LEF1: variants seen among roughly 807,000 people sequenced by gnomAD.
The protein encoded by LEF1 is lymphoid enhancer-binding factor 1.
Under a neutral mutation model 51.2 loss-of-function variants are expected in LEF1, and 14 were observed. That is an observed-to-expected ratio of 0.27 (90% confidence interval 0.18 to 0.43). The LOEUF is 0.43. LEF1 is among the 20% of genes least tolerant of loss of function. LEF1 has a pLI of 1.00. For missense variants in LEF1, 386 were observed against 512.0 expected, an observed-to-expected ratio of 0.75 and a Z score of 2.37; for synonymous variants, 185 against 183.2, an observed-to-expected ratio of 1.01 and a Z score of -0.08.
rs554089911 is a variant in LEF1, at chr4:108,124,531, G to A, written c.415-35274C>T. 2.2e-3 allele frequency among the ~76,000 whole-genome samples: 336 copies of A among 151,988 alleles called. 3 individuals are homozygous for A. Among genetic ancestry groups the A allele is most frequent in the Middle Eastern group, 0.01 (3 of 294 alleles). On this transcript the variant is annotated intron_variant, in intron 3 of 11. Coordinates refer to ENST00000265165, the MANE Select transcript of LEF1 (RefSeq NM_016269.5). ...ACTACAGGTGTACGCCACCACACCC[G>A]GCTAATTTTTGTATTTTTAATAGAG...
intron 1 of LEF1, chr4:108,166,177 C>T: frequency 7.5e-7 from 1 of 1,325,746 alleles, no homozygotes; most frequent in Middle Eastern, 2.7e-4. Context: ...GCACCCTACC[C>T]CCGCCCCCAG....
chr4:108,131,933 T>C (rs1232333022), intron 3 of LEF1, among the ~76,000 whole-genome samples: 1 of 152,146 alleles, frequency 6.6e-6, no homozygotes. Context: ...TGCAACAAAA[T>C]GCACTGAAGC....
chr4:108,098,930 A>T (rs1388208873), intron 3 of LEF1, among the ~76,000 whole-genome samples: 1 of 152,238 alleles, frequency 6.6e-6, no homozygotes, highest in Non-Finnish European at 1.5e-5. Flanking sequence ...ACACTGTAAG[A>T]TCAGCATTAA....
At chr4:108,141,784 A>G (rs2110373888) in intron 3 of LEF1, among the ~76,000 whole-genome samples, 1 of 152,098 alleles carries the variant, frequency 6.6e-6, no homozygotes, top group African/African-American at 2.4e-5. Context: ...TTTAGTATTG[A>G]CTCTGACATC....
chr4:108,132,475 C>T (rs2110354035), intron 3 of LEF1, among the ~76,000 whole-genome samples: 1 of 152,026 alleles, frequency 6.6e-6, no homozygotes, highest in East Asian at 1.9e-4. Flanking sequence ...TCAAAGTATA[C>T]TTTGAGACCT....
chr4:108,078,333 T>C lies in LEF1; in HGVS notation c.895A>G (p.Ile299Val). Reference protein sequence around the residue: ...RKEQEPKRPHIKKPLNAFMLY... With the variant: ...RKEQEPKRPHVKKPLNAFMLY... ...ATAAAAGCATTCAGAGGCTTCTTAA[T>C]GTGAGGTCTTTTTGGCTCCTGCTCC... is the stretch of plus-strand genomic sequence containing the variant. Residue 299 changes from isoleucine to valine, a missense_variant, in exon 8 of 12, where the codon ATT (isoleucine) becomes GTT (valine). By Grantham distance (29) the Ile-to-Val change is conservative (BLOSUM62 3). This residue lies in a region of LEF1 where 335 missense variants were observed against 390.7 expected (regional missense o/e 0.86). Coordinates refer to ENST00000265165, the MANE Select transcript of LEF1 (RefSeq NM_016269.5). 2 of 1,614,176 alleles carry C rather than the reference T, an allele frequency of 1.2e-6. No individual in the cohort carries two copies. The highest frequency in any genetic ancestry group is 1.7e-6 in the Non-Finnish European group (2 of 1,180,026).
At chr4:108,135,111 T>A (rs964947774) in intron 3 of LEF1, among the ~76,000 whole-genome samples, 7 of 152,168 alleles carry the variant, frequency 4.6e-5, no homozygotes, top group African/African-American at 1.7e-4. Flanking sequence ...CCAAACTTGT[T>A]AGAGGAAGAC....
intron 6 of LEF1, among the ~76,000 whole-genome samples, chr4:108,081,377 G>T (rs1739292133): frequency 6.6e-6 from 1 of 152,114 alleles, no homozygotes; most frequent in African/African-American, 2.4e-5. Flanking sequence ...TCGCCCGATG[G>T]TGTGGCTGGT....
rs1302515577 is a variant in LEF1 at position 108,168,619 on chromosome 4, G to T, written c.-852C>A. ...GGAGTCTCGGGGAGTCACAGCGGGG[G>T]CCTCGGGCCCAAATGCCTCTGCCCG... is the stretch of plus-strand genomic sequence containing the variant. On this transcript the variant is annotated 5_prime_UTR_variant, in exon 1 of 12. Coordinates refer to ENST00000265165, the MANE Select transcript of LEF1 (RefSeq NM_016269.5). The surrounding 1 kb of genome is among the most constrained non-coding windows in gnomAD (Gnocchi z 4.6). The T allele has an allele frequency of 6.6e-6, 1 of 152,184 alleles. No homozygotes were observed. The highest frequency in any genetic ancestry group is 2.1e-4 in the South Asian group (1 of 4,828). The allele number at this position is 152,184 out of a possible 1,614,324, so 9.4% of individuals were successfully genotyped here.
intron 3 of LEF1, among the ~76,000 whole-genome samples, chr4:108,129,810 C>T (rs1027152665): frequency 1.3e-5 from 2 of 152,232 alleles, no homozygotes; most frequent in East Asian, 3.9e-4. Context: ...AAATCCTAGG[C>T]ACAAAAAATG....
chr4:108,123,534 A>G (rs931273898), intron 3 of LEF1, among the ~76,000 whole-genome samples: 2 of 150,512 alleles, frequency 1.3e-5, no homozygotes, highest in Non-Finnish European at 2.9e-5. Flanking sequence ...ACATTCTACA[A>G]CAGCCAGCTT....
intron 3 of LEF1, among the ~76,000 whole-genome samples, chr4:108,152,749 T>C (rs1372144679): frequency 6.6e-6 from 1 of 152,196 alleles, no homozygotes; most frequent in Non-Finnish European, 1.5e-5. Context: ...TTCAGGACAT[T>C]TGCAGACGGG....
At position 108,078,266 on chromosome 4, in the gene LEF1, C is replaced by T; in HGVS notation, c.962G>A (p.Cys321Tyr). ...KEMRANVVAE[C>Y]TLKESAAINQ... ...GATAGCTGCACTTTCTTTTAGAGTA[C>T]ACTCAGCAACGACATTCGCTCTCAT... is the stretch of plus-strand genomic sequence containing the variant. The change falls in exon 8 of 12, where the codon TGT becomes TAT. Residue 321 changes from cysteine to tyrosine, a missense_variant. Around this residue, in one of 2 missense-constraint regions of LEF1, gnomAD observed 51 missense variants for 121.3 expected, o/e 0.42. Coordinates refer to ENST00000265165, the MANE Select transcript of LEF1 (RefSeq NM_016269.5). The T allele has an allele frequency of 6.2e-7, 1 of 1,614,196 alleles. No individual in the cohort carries two copies. Among genetic ancestry groups the T allele is most frequent in the Non-Finnish European group, 8.5e-7 (1 of 1,180,026 alleles).
intron 4 of LEF1, among the ~76,000 whole-genome samples, chr4:108,084,211 GA>G (rs907293602): frequency 1.3e-5 from 2 of 151,856 alleles, no homozygotes; most frequent in Non-Finnish European, 2.9e-5. Context: ...AGGTACAGAA[GA>G]AAAAAATGAC....
chr4:108,088,854 A>T (rs1363973977), intron 4 of LEF1, among the ~76,000 whole-genome samples: 3 of 152,170 alleles, frequency 2.0e-5, no homozygotes, highest in African/African-American at 7.2e-5. Context: ...ATATTTGCAC[A>T]ATCTATTGGT....
chr4:108,158,208 A>T (rs183699102), intron 3 of LEF1, among the ~76,000 whole-genome samples: 1 of 152,358 alleles, frequency 6.6e-6, no homozygotes, highest in East Asian at 1.9e-4. Context: ...AAAAGTAATC[A>T]TGAACCTAAA....
At chr4:108,086,812 CCTTACACACACACA>C (rs1335292940) in intron 4 of LEF1, among the ~76,000 whole-genome samples, 7 of 42,988 alleles carry the variant, frequency 1.6e-4, no homozygotes, top group African/African-American at 1.1e-4. Context: ...ATGTACTGTC[CCTTACACACACACA>C]CTTACACACA....
chr4:108,059,561 T>C (rs533908647), intron 11 of LEF1, among the ~76,000 whole-genome samples: 1 of 152,136 alleles, frequency 6.6e-6, no homozygotes, highest in East Asian at 1.9e-4. Context: ...CAAGTGATGG[T>C]ATATACCCTC....
chr4:108,129,329 C>A (rs1742726901), intron 3 of LEF1, among the ~76,000 whole-genome samples: 1 of 152,148 alleles, frequency 6.6e-6, no homozygotes. Context: ...GAACCAGTGG[C>A]CAATTAGAAT....
Sources: gnomAD v4.1 joint callset for allele counts (sites outside exome capture counted in the v4.1 genomes callset) on GRCh38, gnomAD v4.1.1 for gene constraint, gnomAD v4.1.1 regional missense constraint, Gnocchi (gnomAD v3.1) non-coding constraint, MANE v1.5 for transcripts, NCBI Gene and HGNC (gene_info 2026-07-23, HGNC 2026-07-21) for gene names.